Variants in GRIK3 observed in about 807,000 individuals in gnomAD.
GRIK3 encodes glutamate ionotropic receptor kainate type subunit 3, also known as glutamate receptor ionotropic, kainate 3.
Under a neutral mutation model 102.5 loss-of-function variants are expected in GRIK3, and 29 were observed. The observed-to-expected ratio is 0.28, with a 90% CI of 0.21 to 0.39. The LOEUF is 0.39. GRIK3 is among the 10% of genes least tolerant of loss of function. The pLI is 1.00. For synonymous variants in GRIK3, 511 were observed against 504.9 expected, an observed-to-expected ratio of 1.01 and a Z score of -0.16; for missense variants, 908 against 1,252.4, an observed-to-expected ratio of 0.73 and a Z score of 4.15.
intron 9 of GRIK3, among the ~76,000 whole-genome samples, chr1:36,843,761 C>T (rs572669423): frequency 7.9e-5 from 12 of 152,326 alleles, no homozygotes; most frequent in South Asian, 2.1e-4. Flanking sequence ...GTCAGCCAAA[C>T]GTCCCCAGAC....
intron 3 of GRIK3, among the ~76,000 whole-genome samples, chr1:36,879,378 C>T (rs376186502): frequency 6.6e-6 from 1 of 152,062 alleles, no homozygotes; most frequent in Non-Finnish European, 1.5e-5. Context: ...CCTATAGTTC[C>T]AGCTATTTGG....
At chr1:36,966,884 A>T (rs1217923692) in intron 1 of GRIK3, among the ~76,000 whole-genome samples, 1 of 152,130 alleles carries the variant, frequency 6.6e-6, no homozygotes, top group Non-Finnish European at 1.5e-5. Context: ...TTATTCACCA[A>T]GTATATAATA....
intron 1 of GRIK3, among the ~76,000 whole-genome samples, chr1:36,918,546 C>T (rs1418824391): frequency 1.4e-5 from 2 of 142,252 alleles, no homozygotes. Flanking sequence ...TGACACACCC[C>T]TAAATATTAA....
intron 2 of GRIK3, among the ~76,000 whole-genome samples, chr1:36,884,010 G>T (rs749150415): frequency 6.6e-6 from 1 of 152,242 alleles, no homozygotes; most frequent in Non-Finnish European, 1.5e-5. Flanking sequence ...GCTAGTTTTT[G>T]TTAGGGGTCT....
chr1:36,823,360 G>A (rs1302895360), intron 11 of GRIK3, among the ~76,000 whole-genome samples: 1 of 150,730 alleles, frequency 6.6e-6, no homozygotes, highest in Non-Finnish European at 1.5e-5. Flanking sequence ...TGTAGTCCCA[G>A]CTACTTGGGA....
At chr1:36,862,943 G>A (rs1435824615) in intron 5 of GRIK3, among the ~76,000 whole-genome samples, 2 of 152,114 alleles carry the variant, frequency 1.3e-5, no homozygotes, top group Admixed American at 6.5e-5. Context: ...GCAGACATAG[G>A]TTGGTGTCTT....
intron 9 of GRIK3, among the ~76,000 whole-genome samples, chr1:36,845,118 C>T (rs892743743): frequency 9.2e-5 from 14 of 152,174 alleles, no homozygotes; most frequent in Non-Finnish European, 1.0e-4. Flanking sequence ...AAATGGTGCT[C>T]GCCTTAGTAA....
chr1:36,943,306 G>A (rs1641747795), intron 1 of GRIK3, among the ~76,000 whole-genome samples: 1 of 152,176 alleles, frequency 6.6e-6, no homozygotes, highest in Non-Finnish European at 1.5e-5. Flanking sequence ...CCCATCCCAG[G>A]TCCCTGGCTG....
Position 36,880,544 on chromosome 1 carries a change from A to G in GRIK3, c.550+90T>C. On this transcript the variant is annotated intron_variant, in intron 3 of 15. Coordinates refer to ENST00000373091, the MANE Select transcript of GRIK3 (RefSeq NM_000831.4). The surrounding 1 kb of genome is among the most constrained non-coding windows in gnomAD (Gnocchi z 5.4). ...GGAACACAGCCTCTTCCCCCAGGGC[A>G]GCTGTGCTGAACAAACAGACAAGAG... 2 of 1,274,192 alleles carry G rather than the reference A, an allele frequency of 1.6e-6. No homozygotes were observed. The highest frequency in any genetic ancestry group is 2.3e-6 in the Non-Finnish European group (2 of 885,772). 78.9% of individuals were successfully genotyped at this position (1,274,192 alleles called of 1,614,324 possible).
chr1:36,830,776 A>G (rs1640267986), intron 10 of GRIK3, among the ~76,000 whole-genome samples: 1 of 139,862 alleles, frequency 7.1e-6, no homozygotes, highest in South Asian at 2.2e-4. Context: ...ACATCACTGC[A>G]CTCCAGCCTG....
chr1:36,970,079 C>T (rs1008781688), intron 1 of GRIK3, among the ~76,000 whole-genome samples: 4 of 152,202 alleles, frequency 2.6e-5, no homozygotes, highest in African/African-American at 7.2e-5. Context: ...TCATTCATCA[C>T]GTCAGCTGCT....
intron 1 of GRIK3, among the ~76,000 whole-genome samples, chr1:36,943,515 C>A (rs991054966): frequency 6.6e-6 from 1 of 152,180 alleles, no homozygotes; most frequent in Non-Finnish European, 1.5e-5. Flanking sequence ...GCTAATCAGG[C>A]ACTAGCATGA....
At chr1:36,980,363 C>A (rs1356010710) in intron 1 of GRIK3, among the ~76,000 whole-genome samples, 1 of 151,894 alleles carries the variant, frequency 6.6e-6, no homozygotes, top group Non-Finnish European at 1.5e-5. Flanking sequence ...CACGTGGGCA[C>A]CCAGCCCCCT....
chr1:36,825,083 T>G (rs1027862016), intron 11 of GRIK3, among the ~76,000 whole-genome samples: 7 of 152,182 alleles, frequency 4.6e-5, no homozygotes, highest in Non-Finnish European at 8.8e-5. Context: ...CAACCAAATG[T>G]GCAAGCATGT....
At chr1:36,834,301 C>G (rs564073428) in intron 10 of GRIK3, among the ~76,000 whole-genome samples, 29 of 152,238 alleles carry the variant, frequency 1.9e-4, no homozygotes, top group African/African-American at 7.0e-4. Context: ...CTCAGGAGTG[C>G]CATCCTGCAG....
At chr1:36,900,015 A>T (rs889964728) in intron 1 of GRIK3, among the ~76,000 whole-genome samples, 1 of 152,242 alleles carries the variant, frequency 6.6e-6, no homozygotes, top group Non-Finnish European at 1.5e-5. Flanking sequence ...CAGTAAGGTT[A>T]TAGTTAAACT....
In GRIK3 at chr1:37,034,211, C is replaced by T. The variant is rs1348056928; in HGVS notation, c.-103G>A. The T allele has an allele frequency of 2.1e-5, 5 of 239,590 alleles. No individual in the cohort carries two copies. The highest frequency in any genetic ancestry group is 4.0e-5 in the Non-Finnish European group (5 of 126,338). 14.8% of individuals were successfully genotyped at this position (239,590 alleles called of 1,614,324 possible). A position where few individuals can be genotyped will look rare whatever the true frequency, so the allele number is the denominator to read the frequency against. On this transcript the variant is annotated 5_prime_UTR_variant, in exon 1 of 16. Transcript: ENST00000373091. ...AGCAGCCCCGAAGGCGCCGCCTGGC[C>T]CAGCCGCCCGGCTCCCGAGCGCCGC...
At chr1:36,883,429 C>T in intron 2 of GRIK3, among the ~76,000 whole-genome samples, 1 of 152,150 alleles carries the variant, frequency 6.6e-6, no homozygotes, top group East Asian at 1.9e-4. Context: ...GCCCTTATGT[C>T]CAAACACTGT....
chr1:36,908,778 GGTGTGTGTGTGT>G (rs56228690), intron 1 of GRIK3, among the ~76,000 whole-genome samples: 30 of 147,000 alleles, frequency 2.0e-4, no homozygotes, highest in Non-Finnish European at 3.2e-4. Flanking sequence ...AATGGGATAG[GGTGTGTGTGTGT>G]GTGTGTGTGT....
Sources: allele counts gnomAD v4.1 joint callset (sites outside exome capture counted in the v4.1 genomes callset), GRCh38; gene constraint gnomAD v4.1.1; non-coding constraint Gnocchi (gnomAD v3.1); transcripts MANE v1.5; gene names NCBI Gene and HGNC (gene_info 2026-07-23, HGNC 2026-07-21).